The following ETV6 variants were observed in gnomAD, a reference collection of about 807,000 sequenced individuals.
ETV6 encodes the protein ETS variant transcription factor 6, also known as transcription factor ETV6.
ETV6 carries 16 observed loss-of-function variants against 51.1 expected under a neutral mutation model. The ratio of observed to expected loss-of-function variants is 0.31; its 90% CI spans 0.21 to 0.48. The LOEUF is 0.48. Among genes scored for constraint, ETV6 ranks in the 20% least tolerant of loss-of-function variants. The pLI, the probability that ETV6 is intolerant of heterozygous loss-of-function variation, is 0.99. For synonymous variants in ETV6, 240 were observed against 224.1 expected (o/e 1.07, Z -0.64); for missense variants, 458 against 594.8 (o/e 0.77, Z 2.39).
chr12:11,776,725 CT>C (rs35260333), intron 2 of ETV6, among the ~76,000 whole-genome samples: 19,650 of 152,194 alleles, frequency 0.13, 1,745 homozygotes, highest in East Asian at 0.36. Flanking sequence ...GTGAGCATAA[CT>C]TTTATGGAAG....
chr12:11,659,678 G>A (rs1864063971), intron 1 of ETV6, among the ~76,000 whole-genome samples: 2 of 152,180 alleles, frequency 1.3e-5, no homozygotes, highest in Non-Finnish European at 2.9e-5. Context: ...GAAAAAATGA[G>A]CTACAGATAG....
rs1946509770 is a variant in ETV6 at position 11,849,183 on chromosome 12, T to TG, written c.329-4244_329-4243insG. Among the ~76,000 whole-genome samples the TG allele has an allele frequency of 3.3e-5, 5 of 152,182 alleles. No individual in the cohort carries two copies. The South Asian group carries it at 1.0e-3, about 32-fold the overall frequency. ...TGGAGTGCAGTGATGTGATCACAGC[T>TG]CACTGCAGCCTCGACCTCCTGGGCT... On this transcript the variant is annotated intron_variant, in intron 3 of 7. Transcript: ENST00000396373.
chr12:11,837,532 C>T (rs1042964412), intron 2 of ETV6, among the ~76,000 whole-genome samples: 5 of 152,148 alleles, frequency 3.3e-5, no homozygotes, highest in South Asian at 2.1e-4. Context: ...GCATTTGAGC[C>T]GTTTGTTCCC....
intron 1 of ETV6, among the ~76,000 whole-genome samples, chr12:11,715,845 C>T (rs142889408): frequency 6.6e-6 from 1 of 152,292 alleles, no homozygotes; most frequent in Non-Finnish European, 1.5e-5. Flanking sequence ...AAAACTGACT[C>T]AAATCAGAGA....
chr12:11,856,684 T>G (rs1361716438), intron 4 of ETV6, among the ~76,000 whole-genome samples: 2 of 152,230 alleles, frequency 1.3e-5, no homozygotes, highest in Admixed American at 1.3e-4. Flanking sequence ...TCTCTCTCCC[T>G]TCTTCTCCAC....
intron 1 of ETV6, among the ~76,000 whole-genome samples, chr12:11,715,186 T>C (rs1289400105): frequency 6.6e-6 from 1 of 152,180 alleles, no homozygotes; most frequent in Non-Finnish European, 1.5e-5. Flanking sequence ...ATTACGGAAA[T>C]ATAGGCTATT....
chr12:11,851,331 G>A (rs1468422624), intron 3 of ETV6, among the ~76,000 whole-genome samples: 1 of 151,566 alleles, frequency 6.6e-6, no homozygotes, highest in Non-Finnish European at 1.5e-5. Flanking sequence ...ATAAAACCCA[G>A]CAAGTGTGAG....
At chr12:11,720,795 A>C (rs1591631057) in intron 1 of ETV6, among the ~76,000 whole-genome samples, 1 of 152,322 alleles carries the variant, frequency 6.6e-6, no homozygotes, top group Admixed American at 6.5e-5. Context: ...CAACCTACCG[A>C]ATGGGAGAAA....
chr12:11,774,997 A>G (rs1945298413), intron 2 of ETV6, among the ~76,000 whole-genome samples: 1 of 152,234 alleles, frequency 6.6e-6, no homozygotes, highest in South Asian at 2.1e-4. Flanking sequence ...AACTCTGGGC[A>G]TAAAAACACG....
At chr12:11,839,411 C>CCCTTCCTTGTGATG in intron 3 of ETV6, 107 bp downstream of exon 3, 1 of 1,127,862 alleles carries the variant, frequency 8.9e-7, no homozygotes, top group Non-Finnish European at 1.3e-6. Context: ...AGTGAGTCAT[C>CCCTTCCTTGTGATG]ACAAGGAAGG....
At chr12:11,836,198 C>T (rs935789017) in intron 2 of ETV6, among the ~76,000 whole-genome samples, 1 of 152,216 alleles carries the variant, frequency 6.6e-6, no homozygotes, top group Non-Finnish European at 1.5e-5. Context: ...CTCAATTCTA[C>T]ACCACAACCT....
In ETV6 at chr12:11,838,168, C is replaced by A. The variant is rs74060879; in HGVS notation, c.164-972C>A. ...GTTGCAAGATCACATCATATGCCTT[C>A]TAGAACATTCCACCTAAGAAAGAAT... On this transcript the variant is annotated intron_variant, in intron 2 of 7. Transcript: ENST00000396373. Among the ~76,000 whole-genome samples, 1,238 of 152,254 alleles carry A rather than the reference C, an allele frequency of 8.1e-3. 20 individuals are homozygous for A. The highest frequency in any genetic ancestry group is 0.029 in the African/African-American group (1,186 of 41,520).
At chr12:11,709,806 AC>A (rs1392368670) in intron 1 of ETV6, among the ~76,000 whole-genome samples, 1 of 152,218 alleles carries the variant, frequency 6.6e-6, no homozygotes, top group Non-Finnish European at 1.5e-5. Context: ...CTTCAGACTT[AC>A]ACTGCACCAC....
chr12:11,748,204 G>C (rs1302746272), intron 1 of ETV6, among the ~76,000 whole-genome samples: 1 of 152,158 alleles, frequency 6.6e-6, no homozygotes, highest in Admixed American at 6.5e-5. Flanking sequence ...CCTAGCTGTG[G>C]GGAAATGACC....
intron 1 of ETV6, among the ~76,000 whole-genome samples, chr12:11,655,120 T>G (rs1894329): frequency 0.28 from 42,829 of 152,110 alleles, 7,419 homozygotes; most frequent in East Asian, 0.42. Flanking sequence ...CACAGCAGTT[T>G]CATTTTTTTC....
intron 2 of ETV6, among the ~76,000 whole-genome samples, chr12:11,809,445 T>G (rs1945878883): frequency 6.6e-6 from 1 of 152,180 alleles, no homozygotes; most frequent in Non-Finnish European, 1.5e-5. Flanking sequence ...CCTCTTCTAA[T>G]AAAGAGGAGA....
intron 1 of ETV6, among the ~76,000 whole-genome samples, chr12:11,650,516 CCTG>C (rs1189608426): frequency 1.3e-5 from 1 of 78,874 alleles, no homozygotes; most frequent in Non-Finnish European, 2.7e-5. Context: ...AAAAAAAAAA[CCTG>C]CTCCCTATTC....
chr12:11,854,987 G>A (rs748605265), intron 4 of ETV6, among the ~76,000 whole-genome samples: 6 of 152,038 alleles, frequency 3.9e-5, no homozygotes, highest in Non-Finnish European at 5.9e-5. Context: ...TTGGGGCACA[G>A]AAATAGAGTA....
rs373836023 is a variant in ETV6 at position 11,752,482 on chromosome 12, C to T, written c.66C>T (p.Ser22=). The T allele has an allele frequency of 3.6e-5, 58 of 1,613,798 alleles. No homozygotes were observed. The highest frequency in any genetic ancestry group is 4.4e-5 in the Non-Finnish European group (52 of 1,179,932). The change falls in exon 2 of 8, where the codon AGC becomes AGT. Residue 22 remains serine, a synonymous_variant. Transcript: ENST00000396373. The part of the protein sequence containing the change: ...QERISYTPPE[S]PVPSYASSTP... ...GAATTTCATATACACCTCCAGAGAGCCCAGTGCCGAGTTACGCTTCCTCGA... is the reference window on the plus strand; with the variant it reads ...GAATTTCATATACACCTCCAGAGAGTCCAGTGCCGAGTTACGCTTCCTCGA...
Sources: allele counts gnomAD v4.1 joint callset (sites outside exome capture counted in the v4.1 genomes callset), GRCh38; gene constraint gnomAD v4.1.1; transcripts MANE v1.5; gene names NCBI Gene and HGNC (gene_info 2026-07-23, HGNC 2026-07-21).